The following IL1RAPL1 variants were observed in gnomAD, a reference collection of about 807,000 sequenced individuals.
IL1RAPL1 encodes interleukin 1 receptor accessory protein like 1, also known as interleukin-1 receptor accessory protein-like 1.
A neutral mutation model predicts 48.4 loss-of-function variants in IL1RAPL1; 3 were observed. The observed-to-expected ratio is 0.06, with a 90% confidence interval of 0.03 to 0.16. The LOEUF (loss-of-function observed/expected upper bound fraction) is 0.16, where lower values mean the gene tolerates loss of function less well. Among genes scored for constraint, IL1RAPL1 ranks in the 10% least tolerant of loss-of-function variants. IL1RAPL1 has a pLI of 1.00. For synonymous variants in IL1RAPL1, 185 were observed against 187.7 expected (o/e 0.99, Z 0.12); for missense variants, 349 against 530.6 (o/e 0.66, Z 3.36).
At chrX:29,651,637 G>C (rs111928169) in intron 5 of IL1RAPL1, among the ~76,000 whole-genome samples, 8 of 111,004 alleles carry the variant, frequency 7.2e-5, no homozygotes, top group African/African-American at 2.6e-4. Flanking sequence ...GGGAGTGTTG[G>C]GGAAATGTTA....
At chrX:29,315,135 T>C (rs1381175887) in intron 3 of IL1RAPL1, among the ~76,000 whole-genome samples, 1 of 111,859 alleles carries the variant, frequency 8.9e-6, no homozygotes, top group Admixed American at 9.5e-5. Flanking sequence ...GTACAAAGGC[T>C]AGGAACTATT....
At chrX:29,550,607 CT>C (rs1028543620) in intron 5 of IL1RAPL1, among the ~76,000 whole-genome samples, 7 of 108,809 alleles carry the variant, frequency 6.4e-5, no homozygotes, top group Admixed American at 5.9e-4. Context: ...AAATCCTTAA[CT>C]TTTTTTTTTC....
intron 6 of IL1RAPL1, among the ~76,000 whole-genome samples, chrX:29,817,640 G>A (rs951948516): frequency 9.0e-6 from 1 of 111,679 alleles, no homozygotes; most frequent in Admixed American, 9.5e-5. Flanking sequence ...TTGAGACAAA[G>A]GTCTCATACA....
chrX:29,397,210 A>G (rs1015893280), intron 4 of IL1RAPL1, among the ~76,000 whole-genome samples: 1 of 112,219 alleles, frequency 8.9e-6, no homozygotes, highest in Admixed American at 9.5e-5. Flanking sequence ...AAGAATCCTT[A>G]TGTAACATTT....
At chrX:28,793,394 C>T (rs760579236) in intron 2 of IL1RAPL1, among the ~76,000 whole-genome samples, 46 of 101,317 alleles carry the variant, frequency 4.5e-4, no homozygotes, top group African/African-American at 1.8e-3. Context: ...TCCTTCCTTT[C>T]TTCCTCCCTT....
At chrX:29,050,816 A>G (rs1927077013) in intron 2 of IL1RAPL1, among the ~76,000 whole-genome samples, 1 of 111,999 alleles carries the variant, frequency 8.9e-6, no homozygotes, top group Non-Finnish European at 1.9e-5. Context: ...TAAGTGCTTT[A>G]TTTGTCAGGA....
At chrX:29,930,301 A>G (rs1430865865) in intron 8 of IL1RAPL1, among the ~76,000 whole-genome samples, 1 of 112,276 alleles carries the variant, frequency 8.9e-6, no homozygotes, top group Non-Finnish European at 1.9e-5. Flanking sequence ...GCATAAACAG[A>G]TAGGCAAATA....
At chrX:29,599,318 G>C (rs981367424) in intron 5 of IL1RAPL1, among the ~76,000 whole-genome samples, 1 of 112,055 alleles carries the variant, frequency 8.9e-6, no homozygotes, top group African/African-American at 3.2e-5. Flanking sequence ...GCTGATAATT[G>C]TTTTATTTAA....
At chrX:29,029,145 A>G (rs1225442385) in intron 2 of IL1RAPL1, among the ~76,000 whole-genome samples, 1 of 111,096 alleles carries the variant, frequency 9.0e-6, no homozygotes, top group Non-Finnish European at 1.9e-5. Flanking sequence ...CTCACTTACT[A>G]CTGCAAGAAC....
At chrX:29,898,154 A>T (rs896396852) in intron 6 of IL1RAPL1, among the ~76,000 whole-genome samples, 4 of 112,150 alleles carry the variant, frequency 3.6e-5, no homozygotes, top group African/African-American at 1.3e-4. Context: ...TCGTTTGACT[A>T]AACAGTGATA....
intron 2 of IL1RAPL1, among the ~76,000 whole-genome samples, chrX:29,154,845 G>T (rs1929536579): frequency 9.0e-6 from 1 of 111,142 alleles, no homozygotes; most frequent in Non-Finnish European, 1.9e-5. Flanking sequence ...ATTATGAAAA[G>T]ATATTTTCAA....
rs190460882 is a variant in IL1RAPL1, at chrX:29,711,326, G to A, written c.778+42822G>A. On this transcript the variant is annotated intron_variant, in intron 6 of 10. Transcript: ENST00000378993. The stretch of plus-strand genomic sequence containing the variant: ...AGCCTCCTGAGTAGCTGGGATTACC[G>A]CCATGCGCCACCAGTCCCGGCTAAT... Among the ~76,000 whole-genome samples, 482 of 106,163 alleles carry A rather than the reference G, an allele frequency of 4.5e-3. 4 individuals carry two copies. The highest frequency in any genetic ancestry group is 0.016 in the African/African-American group (455 of 29,090). The allele number at this position is 106,163 out of a possible 115,157, so 92.2% of individuals were successfully genotyped here.
Position 29,712,244 on chromosome X carries a change from ACTAT to A in IL1RAPL1, c.778+43743_778+43746del, listed in dbSNP as rs927124312. On this transcript the variant is annotated intron_variant, in intron 6 of 10. Transcript: ENST00000378993. ...CTCTTCCTTCTATTTTTATGAATAT[ACTAT>A]CTGACGACTAAGGTGATATCAGAAA... is the stretch of plus-strand genomic sequence containing the variant. 9.3e-4 allele frequency among the ~76,000 whole-genome samples: 103 copies of A among 110,629 alleles called. 1 individual carries two copies. Among genetic ancestry groups the A allele is most frequent in the African/African-American group, 3.2e-3 (97 of 30,492 alleles).
chrX:29,734,690 C>T (rs778391894), intron 6 of IL1RAPL1, among the ~76,000 whole-genome samples: 1 of 112,251 alleles, frequency 8.9e-6, no homozygotes, highest in African/African-American at 3.2e-5. Flanking sequence ...CTTACTGTTC[C>T]GTGTTCTCAA....
rs772638069 is a variant in IL1RAPL1, at chrX:29,194,371, T to A, written c.83-88567T>A. On this transcript the variant is annotated intron_variant, in intron 2 of 10. Transcript: ENST00000378993. ...CACAAAAATGATTTATACAGTGTAT[T>A]AAAAGATCAGTCCTCTATTGCACTG... Among the ~76,000 whole-genome samples, 6 of 112,733 alleles carry A rather than the reference T, an allele frequency of 5.3e-5. No individual in the cohort carries two copies. In the South Asian group the frequency reaches 1.8e-3, roughly 34 times the overall value.
intron 5 of IL1RAPL1, among the ~76,000 whole-genome samples, chrX:29,578,441 C>T (rs377141990): frequency 7.3e-4 from 82 of 111,565 alleles, no homozygotes; most frequent in African/African-American, 2.0e-3. Context: ...ATGTTGGGCA[C>T]GTAACAAACA....
chrX:29,283,361 T>C, intron 3 of IL1RAPL1, 144 bp downstream of exon 3: 1 of 572,183 alleles, frequency 1.7e-6, no homozygotes, highest in Non-Finnish European at 2.8e-6. Flanking sequence ...AGAATCAAAA[T>C]CATAAAAAGA....
chrX:29,427,289 A>G (rs1271936649), intron 5 of IL1RAPL1, among the ~76,000 whole-genome samples: 2 of 112,145 alleles, frequency 1.8e-5, no homozygotes, highest in African/African-American at 3.2e-5. Flanking sequence ...GTTCCCTATC[A>G]CTACTAAGTA....
chrX:29,867,295 G>A (rs1050102577), intron 6 of IL1RAPL1, among the ~76,000 whole-genome samples: 2 of 111,909 alleles, frequency 1.8e-5, no homozygotes, highest in Non-Finnish European at 3.8e-5. Flanking sequence ...TACTTCTGTG[G>A]TCTGAAAGTA....
Sources: allele counts gnomAD v4.1 joint callset (sites outside exome capture counted in the v4.1 genomes callset), GRCh38; gene constraint gnomAD v4.1.1; transcripts MANE v1.5; gene names NCBI Gene and HGNC (gene_info 2026-07-23, HGNC 2026-07-21).